Variants in TTC39B observed in about 807,000 individuals in gnomAD.
TTC39B encodes the protein tetratricopeptide repeat domain 39B.
In TTC39B, 92 loss-of-function variants were observed where a neutral mutation model predicts 96.6. The ratio of observed to expected loss-of-function variants is 0.95; its 90% CI spans 0.80 to 1.13. The LOEUF (loss-of-function observed/expected upper bound fraction) is 1.13. Ranked by LOEUF, TTC39B falls within the 50% of genes most tolerant of loss-of-function variation. The pLI, the probability that TTC39B is intolerant of heterozygous loss-of-function variation, is 0.00. For synonymous variants in TTC39B, 367 were observed against 299.4 expected (o/e 1.23, Z -2.33); for missense variants, 955 against 809.3 (o/e 1.18, Z -2.18).
chr9:15,272,836 T>A (rs77026947), intron 1 of TTC39B, among the ~76,000 whole-genome samples: 5,628 of 152,222 alleles, frequency 0.037, 339 homozygotes, highest in African/African-American at 0.13. Flanking sequence ...AGCAGTTTCA[T>A]TTTGCACGTT....
At chr9:15,302,271 A>G (rs903632842) in intron 1 of TTC39B, among the ~76,000 whole-genome samples, 5 of 150,936 alleles carry the variant, frequency 3.3e-5, no homozygotes, top group Non-Finnish European at 5.9e-5. Flanking sequence ...CGTTACAGTG[A>G]GCCAAGATCA....
At chr9:15,236,808 G>T (rs890268628) in intron 2 of TTC39B, among the ~76,000 whole-genome samples, 4 of 152,056 alleles carry the variant, frequency 2.6e-5, no homozygotes, top group Non-Finnish European at 5.9e-5. Flanking sequence ...AAAACCTCTG[G>T]TACACAGCAA....
rs505940 is a variant in TTC39B, at chr9:15,213,709, G to A, written c.482+430C>T. Among the ~76,000 whole-genome samples the A allele has an allele frequency of 3.9e-5, 6 of 152,040 alleles. 1 individual carries two copies. The highest frequency in any genetic ancestry group is 3.2e-3 in the Middle Eastern group (1 of 316). ...ATTGAAATTAAATTGCTTGTTTTTC[G>A]AACAAATAGAGAACCCCAATAATAG... On this transcript the variant is annotated intron_variant, in intron 4 of 19. Coordinates refer to ENST00000512701, the Ensembl canonical transcript of TTC39B.
intron 6 of TTC39B, among the ~76,000 whole-genome samples, chr9:15,206,840 T>C (rs1000471696): frequency 6.6e-6 from 1 of 152,178 alleles, no homozygotes; most frequent in Non-Finnish European, 1.5e-5. Context: ...CTCTGTGATA[T>C]GGTTAGGCTT....
At chr9:15,175,220 G>A in intron 18 of TTC39B, 85 bp from the exon 19 acceptor site, 2 of 947,786 alleles carry the variant, frequency 2.1e-6, no homozygotes, top group South Asian at 3.0e-5. Context: ...CCATTCTTCA[G>A]AAAACATGTG....
intron 19 of TTC39B, among the ~76,000 whole-genome samples, chr9:15,174,697 A>T (rs1245723550): frequency 1.3e-5 from 2 of 152,184 alleles, no homozygotes; most frequent in African/African-American, 4.8e-5. Context: ...TTATGCTATA[A>T]AGCTAAAAAT....
At position 15,186,959 on chromosome 9, in the gene TTC39B, AC is replaced by A; in HGVS notation, c.1471del (p.Val491TrpfsTer2). 1 of 1,613,762 alleles carries A rather than the reference AC, an allele frequency of 6.2e-7. No individual in the cohort carries two copies. The highest frequency in any genetic ancestry group is 2.2e-5 in the East Asian group (1 of 44,866). On this transcript the variant is annotated frameshift_variant, in exon 15 of 20. Transcript: ENST00000512701. LOFTEE classifies it high-confidence loss of function. ...TCTCACATACCTGAATAAAGTTACC[AC>A]ATTCTCATTCGTTGCTACTACATCC...
At chr9:15,240,350 C>T (rs112278044) in intron 2 of TTC39B, among the ~76,000 whole-genome samples, 279 of 152,322 alleles carry the variant, frequency 1.8e-3, no homozygotes, top group Non-Finnish European at 3.3e-3. Context: ...TTCTATTAAA[C>T]GAGAAACTGG....
chr9:15,204,718 C>T (rs150698247), intron 6 of TTC39B, among the ~76,000 whole-genome samples: 1,743 of 152,198 alleles, frequency 0.011, 25 homozygotes, highest in Non-Finnish European at 0.018. Context: ...TGCACGGCCA[C>T]GTTAAGACTC....
chr9:15,242,587 A>G (rs1457849913), intron 2 of TTC39B, among the ~76,000 whole-genome samples: 1 of 152,066 alleles, frequency 6.6e-6, no homozygotes, highest in East Asian at 1.9e-4. Flanking sequence ...TATCTCAAAA[A>G]GAAAGAAAGA....
chr9:15,166,985 TATATATA>T lies in TTC39B; in HGVS notation c.*5027_*5033del, dbSNP rs1817531175. 9.2e-3 allele frequency: 44 copies of T among 4,802 alleles called. 1 individual carries two copies. Among genetic ancestry groups the T allele is most frequent in the African/African-American group, 0.026 (44 of 1,664 alleles). 0.3% of individuals were successfully genotyped at this position (4,802 alleles called of 1,614,324 possible). A position where few individuals can be genotyped will look rare whatever the true frequency, so the allele number is the denominator to read the frequency against. ...CATGTGTCCACAAACCTTTATTTTATATATATATATATATATATATATATATATATAT... is the reference window on the plus strand; with the variant it reads ...CATGTGTCCACAAACCTTTATTTTATTATATATATATATATATATATATAT... On this transcript the variant is annotated 3_prime_UTR_variant, in exon 20 of 20. Coordinates refer to ENST00000512701, the Ensembl canonical transcript of TTC39B.
exon 12 of TTC39B, chr9:15,189,765 G>T (rs1439334453): frequency 1.9e-6 from 3 of 1,613,046 alleles, no homozygotes; most frequent in Non-Finnish European, 2.5e-6. Flanking sequence ...GAGACGCTCT[G>T]CTTCCGCAAC....
chr9:15,229,063 T>C (rs996170006), intron 2 of TTC39B, among the ~76,000 whole-genome samples: 1 of 152,232 alleles, frequency 6.6e-6, no homozygotes, highest in Non-Finnish European at 1.5e-5. Context: ...TTTTTAGATA[T>C]AGACATAACC....
At chr9:15,231,694 C>T (rs1263706334) in intron 2 of TTC39B, among the ~76,000 whole-genome samples, 2 of 152,116 alleles carry the variant, frequency 1.3e-5, no homozygotes, top group Admixed American at 6.5e-5. Flanking sequence ...ATTTAACTTC[C>T]CCAATAAATC....
At chr9:15,272,406 G>A (rs960231412) in intron 1 of TTC39B, among the ~76,000 whole-genome samples, 2 of 152,126 alleles carry the variant, frequency 1.3e-5, no homozygotes, top group African/African-American at 2.4e-5. Flanking sequence ...ACACTCAGAG[G>A]AGCATCCTGA....
intron 1 of TTC39B, among the ~76,000 whole-genome samples, chr9:15,277,622 C>T (rs1823595417): frequency 6.6e-6 from 1 of 152,164 alleles, no homozygotes; most frequent in South Asian, 2.1e-4. Flanking sequence ...CCTTGGCCAA[C>T]ACACTCTATT....
Position 15,240,465 on chromosome 9 carries a change from G to A in TTC39B, c.276-14453C>T, listed in dbSNP as rs149602409. Among the ~76,000 whole-genome samples the A allele has an allele frequency of 1.3e-4, 20 of 152,094 alleles. No homozygotes were observed. In the South Asian group the frequency reaches 1.9e-3, roughly 14 times the overall value. On this transcript the variant is annotated intron_variant, in intron 2 of 19. Transcript: ENST00000512701. ...TAACCCTTAGTATTATTTGTAGGGC[G>A]TGGGTAATCTTTAGATTCTTTGTAC...
chr9:15,250,912 C>A (rs941588166), intron 2 of TTC39B, among the ~76,000 whole-genome samples: 16 of 152,100 alleles, frequency 1.1e-4, no homozygotes, highest in African/African-American at 3.9e-4. Flanking sequence ...AAAAGTAATA[C>A]CAGGGCTAGG....
At chr9:15,245,255 G>A in intron 2 of TTC39B, among the ~76,000 whole-genome samples, 1 of 152,232 alleles carries the variant, frequency 6.6e-6, no homozygotes, top group Middle Eastern at 3.4e-3. Context: ...TTTCATCACA[G>A]AAACCTTCAT....
Sources: gnomAD v4.1 joint callset for allele counts (sites outside exome capture counted in the v4.1 genomes callset) on GRCh38, gnomAD v4.1.1 for gene constraint, MANE v1.5 for transcripts, NCBI Gene and HGNC (gene_info 2026-07-23, HGNC 2026-07-21) for gene names.